Variants in COL18A1 observed in about 807,000 individuals in gnomAD.
COL18A1 encodes the protein collagen type XVIII alpha 1 chain.
A neutral mutation model predicts 168.0 loss-of-function variants in COL18A1; 133 were observed. The observed-to-expected ratio is 0.79, with a 90% confidence interval of 0.69 to 0.91. COL18A1 has a LOEUF of 0.91. Among genes scored for constraint, COL18A1 ranks in the 40% least tolerant of loss-of-function variants. COL18A1 has a pLI of 0.00. For missense variants in COL18A1, 2,126 were observed against 1,925.4 expected (o/e 1.10, Z -1.95); for synonymous variants, 949 against 809.0 (o/e 1.17, Z -2.94).
At chr21:45,476,846 G>A (rs1339931470) in intron 6 of COL18A1, among the ~76,000 whole-genome samples, 1 of 139,572 alleles carries the variant, frequency 7.2e-6, no homozygotes, top group East Asian at 2.0e-4. Context: ...TGTATGTGAT[G>A]TGTAGTGTGC....
intron 14 of COL18A1, chr21:45,482,395 G>A (rs368976911): frequency 2.7e-4 from 171 of 630,122 alleles, no homozygotes; most frequent in African/African-American, 2.4e-3. Context: ...AGTCGCCTGC[G>A]TCTGGCCCCC....
chr21:45,426,207 C>T (rs76183909), intron 2 of COL18A1, among the ~76,000 whole-genome samples: 6,393 of 152,226 alleles, frequency 0.042, 163 homozygotes, highest in East Asian at 0.092. Flanking sequence ...CGGGTTCAAG[C>T]GATTCTCACA....
intron 37 of COL18A1, 95 bp from the exon 38 acceptor site, chr21:45,507,461 GGGCCA>G: frequency 2.8e-6 from 1 of 362,644 alleles, no homozygotes; most frequent in Non-Finnish European, 3.8e-6. Flanking sequence ...TGGGCTGGGA[GGGCCA>G]GGTGCTGGGG....
In COL18A1 at chr21:45,453,993, C is replaced by T. The variant is rs1200983205; in HGVS notation, c.107-14249C>T. Among the ~76,000 whole-genome samples the T allele has an allele frequency of 2.0e-5, 3 of 152,276 alleles. No individual in the cohort carries two copies. In the South Asian group the frequency reaches 6.2e-4, roughly 32 times the overall value. On this transcript the variant is annotated intron_variant, in intron 2 of 41. Transcript: ENST00000651438. The stretch of plus-strand genomic sequence containing the variant: ...TGAGATGCGCTGGTGGAGGAGGGGG[C>T]AGTCTCTGGAATTTCTGTTTGGAGA...
At chr21:45,483,448 G>C (rs1036071355) in intron 15 of COL18A1, among the ~76,000 whole-genome samples, 2 of 152,136 alleles carry the variant, frequency 1.3e-5, no homozygotes, top group Admixed American at 1.3e-4. Flanking sequence ...TGCTTGACCA[G>C]ACAATTTATC....
chr21:45,411,782 T>C (rs1440808660), intron 2 of COL18A1, among the ~76,000 whole-genome samples: 1 of 116,618 alleles, frequency 8.6e-6, no homozygotes, highest in Non-Finnish European at 1.7e-5. Context: ...GGGGGCAGGC[T>C]GTGGTCAGGG....
At chr21:45,406,455 T>C (rs1163490898) in intron 2 of COL18A1, among the ~76,000 whole-genome samples, 1 of 152,218 alleles carries the variant, frequency 6.6e-6, no homozygotes, top group African/African-American at 2.4e-5. Flanking sequence ...CATAGACCTT[T>C]CAAAAAAGTA....
Position 45,504,452 on chromosome 21 carries a change from G to A in COL18A1, c.2764G>A (p.Gly922Ser), listed in dbSNP as rs1157489152. Residue 922 changes from glycine (G) to serine (S), a missense_variant, in exon 34 of 42, where the codon GGC becomes AGC. Gly to Ser is a moderately conservative substitution (Grantham distance 56). Coordinates refer to ENST00000651438, the MANE Select transcript of COL18A1 (RefSeq NM_001379500.1). ...AGACCGAGGTGATGCAGGACAGAAAGGCGAAAGGGGGGAGCCCGGGGGCGG... is the reference window on the plus strand; with the variant it reads ...AGACCGAGGTGATGCAGGACAGAAAAGCGAAAGGGGGGAGCCCGGGGGCGG... ...KGDRGDAGQK[G>S]ERGEPGGGGF... 5 of 1,611,378 alleles carry A rather than the reference G, an allele frequency of 3.1e-6. No homozygotes were observed. In the East Asian group the frequency reaches 8.9e-5, roughly 29 times the overall value.
At chr21:45,490,233 G>C (rs1295659467) in intron 19 of COL18A1, 42 bp from the exon 20 acceptor site, 1 of 1,521,698 alleles carries the variant, frequency 6.6e-7, no homozygotes, top group Admixed American at 1.9e-5. Flanking sequence ...GCATTCCTGG[G>C]CGTGTGGCCA....
chr21:45,436,500 G>A (rs187435483), intron 2 of COL18A1, among the ~76,000 whole-genome samples: 2 of 152,166 alleles, frequency 1.3e-5, no homozygotes, highest in South Asian at 2.1e-4. Flanking sequence ...TGGAAGGAGA[G>A]GGCTTTCGGT....
chr21:45,492,390 G>C, intron 22 of COL18A1, 145 bp from the exon 23 acceptor site: 1 of 967,536 alleles, frequency 1.0e-6, no homozygotes, highest in Non-Finnish European at 1.7e-6. Flanking sequence ...CTGCAGGAGG[G>C]ATGCCCCAGG....
At chr21:45,456,509 C>G in intron 2 of COL18A1, 3 of 1,547,672 alleles carry the variant, frequency 1.9e-6, no homozygotes, top group Non-Finnish European at 2.6e-6. Context: ...CGGGGCTGAC[C>G]CCGAGGCCCC....
At chr21:45,431,344 C>A (rs1569284382) in intron 2 of COL18A1, among the ~76,000 whole-genome samples, 1 of 151,606 alleles carries the variant, frequency 6.6e-6, no homozygotes, top group Non-Finnish European at 1.5e-5. Context: ...CGTGTGTGGA[C>A]CCGGCGGCCC....
rs1238242720 is a variant in COL18A1, at chr21:45,405,381, G to A, written c.14G>A (p.Cys5Tyr). The A allele has an allele frequency of 3.1e-6, 4 of 1,293,728 alleles. No homozygotes were observed. Among genetic ancestry groups the A allele is most frequent in the East Asian group, 3.5e-5 (1 of 28,972 alleles). The allele number at this position is 1,293,728 out of a possible 1,614,324, so 80.1% of individuals were successfully genotyped here. ...TGACCCGTGCCTGTCCCGCGCAGGT[G>A]CCCCTGGCCATGGCCGCGGCGGCGG... MAPR[C>Y]PWPWPRRRRL... Residue 5 changes from cysteine to tyrosine, a missense_variant and splice_region_variant, in exon 2 of 42, where the codon TGC becomes TAC. Cys to Tyr is a radical substitution (Grantham distance 194). Coordinates refer to ENST00000651438, the MANE Select transcript of COL18A1 (RefSeq NM_001379500.1).
rs1393760307 is a variant in COL18A1, at chr21:45,513,219, C to A, written c.*821C>A. On this transcript the variant is annotated 3_prime_UTR_variant, in exon 42 of 42. Coordinates refer to ENST00000651438, the MANE Select transcript of COL18A1 (RefSeq NM_001379500.1). ...CCCCATCTCATGCCCCTGGCTGGGA[C>A]GTGGCTCAGCCAGCACTTGTCCAGC... is the stretch of plus-strand genomic sequence containing the variant. The A allele has an allele frequency of 3.3e-5, 5 of 152,342 alleles. No individual in the cohort carries two copies. Among genetic ancestry groups the A allele is most frequent in the Non-Finnish European group, 7.3e-5 (5 of 68,152 alleles). The allele number at this position is 152,342 out of a possible 1,614,324, so 9.4% of individuals were successfully genotyped here. A position where few individuals can be genotyped will look rare whatever the true frequency, so the allele number is the denominator to read the frequency against.
At chr21:45,507,283 G>C (rs568550097) in intron 37 of COL18A1, 6 of 565,414 alleles carry the variant, frequency 1.1e-5, no homozygotes, top group Middle Eastern at 4.7e-4. Flanking sequence ...TGTGGACTGG[G>C]AGGGCCGGGT....
At chr21:45,416,271 C>G (rs2033440936) in intron 2 of COL18A1, among the ~76,000 whole-genome samples, 1 of 152,210 alleles carries the variant, frequency 6.6e-6, no homozygotes, top group South Asian at 2.1e-4. Flanking sequence ...GGATCTCTGT[C>G]CTGCAGCCCA....
intron 3 of COL18A1, among the ~76,000 whole-genome samples, chr21:45,470,969 G>T (rs1169071704): frequency 6.6e-6 from 1 of 151,676 alleles, no homozygotes; most frequent in Non-Finnish European, 1.5e-5. Context: ...GTGCTGCTGG[G>T]CGTGGGTGGC....
chr21:45,499,369 C>A (rs1264420029), intron 32 of COL18A1, among the ~76,000 whole-genome samples: 2 of 152,230 alleles, frequency 1.3e-5, no homozygotes, highest in African/African-American at 4.8e-5. Context: ...AGGTCAGAGG[C>A]TCCCTCGGGA....
Sources: gnomAD v4.1 joint callset for allele counts (sites outside exome capture counted in the v4.1 genomes callset) on GRCh38, gnomAD v4.1.1 for gene constraint, MANE v1.5 for transcripts, NCBI Gene and HGNC (gene_info 2026-07-23, HGNC 2026-07-21) for gene names.